The following ARHGEF10 variants were observed in gnomAD, a reference collection of about 807,000 sequenced individuals.
ARHGEF10 encodes the protein Rho guanine nucleotide exchange factor (GEF) 10.
A neutral mutation model predicts 147.4 loss-of-function variants in ARHGEF10; 140 were observed. The observed-to-expected ratio is 0.95, with a 90% CI of 0.83 to 1.09. ARHGEF10 has a LOEUF of 1.09. Among genes scored for constraint, ARHGEF10 ranks in the 50% least tolerant of loss-of-function variants. The pLI, the probability that ARHGEF10 is intolerant of heterozygous loss-of-function variation, is 0.00. For synonymous variants in ARHGEF10, 902 were observed against 695.8 expected (o/e 1.30, Z -4.67); for missense variants, 2,222 against 1,752.7 (o/e 1.27, Z -4.78).
rs757520770 is a variant in ARHGEF10, at chr8:1,928,493, G to A, written c.2764G>A (p.Val922Ile). The A allele has an allele frequency of 1.2e-6, 2 of 1,613,776 alleles. No homozygotes were observed. Among genetic ancestry groups the A allele is most frequent in the Admixed American group, 1.7e-5 (1 of 60,006 alleles). ...IVSFQNSTPK[V>I]IECFNVESRI... ...CTCGTTTCAAAATTCCACTCCCAAA[G>A]TCATTGAGTGCTTCAACGTGGAATC... The change falls in exon 24 of 29, where the codon GTC (valine) becomes ATC (isoleucine). Residue 922 changes from valine (V) to isoleucine (I), a missense_variant. Transcript: ENST00000349830.
At chr8:1,920,892 A>G (rs776465837) in intron 18 of ARHGEF10, among the ~76,000 whole-genome samples, 1 of 152,024 alleles carries the variant, frequency 6.6e-6, no homozygotes, top group African/African-American at 2.4e-5. Flanking sequence ...GCTTCAAGCA[A>G]TTCTCCTGCC....
chr8:1,954,030 A>G (rs1815278955), intron 28 of ARHGEF10, among the ~76,000 whole-genome samples: 1 of 152,178 alleles, frequency 6.6e-6, no homozygotes, highest in African/African-American at 2.4e-5. Flanking sequence ...TGTTTTTATT[A>G]TGATATATGG....
chr8:1,875,455 A>T (rs4875945), intron 7 of ARHGEF10, among the ~76,000 whole-genome samples: 95,558 of 152,000 alleles, frequency 0.63, 30,657 homozygotes, highest in East Asian at 0.95. Flanking sequence ...CCAGCCCCAA[A>T]TTTCAGGCAA....
intron 26 of ARHGEF10, among the ~76,000 whole-genome samples, chr8:1,943,061 G>A (rs1158272356): frequency 6.6e-6 from 1 of 152,180 alleles, no homozygotes; most frequent in African/African-American, 2.4e-5. Context: ...GTGAATTATA[G>A]CTCAGTGTTT....
At chr8:1,850,960 G>A (rs1422026049) in intron 2 of ARHGEF10, among the ~76,000 whole-genome samples, 4 of 152,074 alleles carry the variant, frequency 2.6e-5, no homozygotes, top group Non-Finnish European at 4.4e-5. Flanking sequence ...GGCTGCGCCC[G>A]GTGCGATTCC....
chr8:1,865,880 G>T (rs1261612066), intron 5 of ARHGEF10, among the ~76,000 whole-genome samples: 1 of 152,206 alleles, frequency 6.6e-6, no homozygotes, highest in Admixed American at 6.5e-5. Context: ...GTGTCGGGAC[G>T]ACTGATCCCT....
At chr8:1,886,366 A>G (rs1272438921) in intron 11 of ARHGEF10, among the ~76,000 whole-genome samples, 1 of 152,210 alleles carries the variant, frequency 6.6e-6, no homozygotes, top group Non-Finnish European at 1.5e-5. Context: ...AGGCAGACAT[A>G]TGTGTAATCC....
chr8:1,832,399 G>GAGAGGCAGAGGC (rs760991520), intron 1 of ARHGEF10, among the ~76,000 whole-genome samples: 1 of 47,524 alleles, frequency 2.1e-5, no homozygotes, highest in Non-Finnish European at 4.4e-5. Context: ...CAGAGACAGA[G>GAGAGGCAGAGGC]AGAGGCAGAG....
chr8:1,860,168 GTCCC>G lies in ARHGEF10; in HGVS notation c.467_470del (p.Ser156TrpfsTer18). The G allele has an allele frequency of 6.2e-7, 1 of 1,613,038 alleles. No homozygotes were observed. Among genetic ancestry groups the G allele is most frequent in the Non-Finnish European group, 8.5e-7 (1 of 1,179,926 alleles). The stretch of plus-strand genomic sequence containing the variant: ...CCAGCCCGGTCATCATCTGCGCCAC[GTCCC>G]TGGACGAAGAAGGTACTGCTACCCT... On this transcript the variant is annotated frameshift_variant, in exon 4 of 29. Coordinates refer to ENST00000349830, the MANE Select transcript of ARHGEF10 (RefSeq NM_014629.4). LOFTEE classifies it high-confidence loss of function.
chr8:1,862,880 A>G (rs1311577069), intron 4 of ARHGEF10, among the ~76,000 whole-genome samples: 1 of 143,996 alleles, frequency 6.9e-6, no homozygotes, highest in African/African-American at 2.6e-5. Context: ...CCGGGTTCAC[A>G]CCGTTCTCCT....
rs199932476 is a variant in ARHGEF10 at position 1,880,082 on chromosome 8, A to G, written c.878A>G (p.Tyr293Cys). The G allele has an allele frequency of 7.9e-5, 127 of 1,613,956 alleles. 1 individual carries two copies. The highest frequency in any genetic ancestry group is 1.7e-5 in the Admixed American group (1 of 59,994). ...SHDLTRLKEH[Y>C]EKKMRDLMAS... is the part of the protein sequence containing the mutation. Reference sequence around the variant, plus strand: ...GACCTAACCCGTTTAAAGGAGCACTATGAGAAAAAGATGAGAGATTTGATG... The same window carrying G: ...GACCTAACCCGTTTAAAGGAGCACTGTGAGAAAAAGATGAGAGATTTGATG... The change falls in exon 9 of 29, where the codon TAT (tyrosine) becomes TGT (cysteine). Residue 293 changes from tyrosine (Y) to cysteine (C), a missense_variant. Transcript: ENST00000349830.
intron 8 of ARHGEF10, 120 bp from the exon 9 acceptor site, chr8:1,879,928 C>G (rs1048481674): frequency 1.3e-6 from 1 of 793,404 alleles, no homozygotes; most frequent in East Asian, 2.4e-5. Context: ...CCAGAAGCCC[C>G]CAGCCAGGAC....
chr8:1,906,514 C>A (rs569758232), intron 17 of ARHGEF10, among the ~76,000 whole-genome samples: 1 of 152,268 alleles, frequency 6.6e-6, no homozygotes, highest in African/African-American at 2.4e-5. Context: ...CTAAACATGC[C>A]CTATTTTTCA....
chr8:1,891,215 T>G (rs1381089708), intron 11 of ARHGEF10, among the ~76,000 whole-genome samples: 1 of 152,192 alleles, frequency 6.6e-6, no homozygotes, highest in African/African-American at 2.4e-5. Flanking sequence ...TCATGCAGCT[T>G]TCTTTATTGT....
intron 7 of ARHGEF10, among the ~76,000 whole-genome samples, chr8:1,875,198 T>G (rs1355992390): frequency 8.1e-6 from 1 of 123,468 alleles, no homozygotes; most frequent in Non-Finnish European, 1.7e-5. Context: ...CGGGGCTGTG[T>G]CGGGGATAGA....
chr8:1,857,894 CTATCT>C (rs1805689291), intron 2 of ARHGEF10, 61 bp from the exon 3 acceptor site: 1 of 1,105,578 alleles, frequency 9.0e-7, no homozygotes, highest in South Asian at 1.3e-5. Context: ...ATCTATCTAT[CTATCT>C]ATCTATCTAT....
intron 2 of ARHGEF10, among the ~76,000 whole-genome samples, chr8:1,846,624 C>G (rs903899039): frequency 1.3e-5 from 2 of 152,092 alleles, no homozygotes; most frequent in Non-Finnish European, 2.9e-5. Context: ...CTCACCCAGG[C>G]TGGAGTGAAG....
At chr8:1,862,582 G>C (rs1185592803) in intron 4 of ARHGEF10, among the ~76,000 whole-genome samples, 2 of 152,196 alleles carry the variant, frequency 1.3e-5, no homozygotes, top group Non-Finnish European at 2.9e-5. Context: ...GTTTCCTGGG[G>C]TGGAGCCCTG....
intron 8 of ARHGEF10, among the ~76,000 whole-genome samples, chr8:1,879,117 C>T (rs554583974): frequency 2.0e-5 from 3 of 152,188 alleles, no homozygotes; most frequent in Non-Finnish European, 4.4e-5. Flanking sequence ...CAAAAAATCT[C>T]GAATTTTGTT....
Sources: gnomAD v4.1 joint callset for allele counts (sites outside exome capture counted in the v4.1 genomes callset) on GRCh38, gnomAD v4.1.1 for gene constraint, MANE v1.5 for transcripts, NCBI Gene and HGNC (gene_info 2026-07-23, HGNC 2026-07-21) for gene names.